The following CASKIN2 variants were observed in gnomAD, a reference collection of about 807,000 sequenced individuals.
CASKIN2 encodes the protein caskin-2.
CASKIN2 carries 41 observed loss-of-function variants against 107.1 expected under a neutral mutation model. The ratio of observed to expected loss-of-function variants is 0.38; its 90% CI spans 0.30 to 0.50. The LOEUF (loss-of-function observed/expected upper bound fraction) is 0.50. Ranked by LOEUF, CASKIN2 falls within the 20% of genes least tolerant of loss-of-function variation. CASKIN2 has a pLI of 0.92. For synonymous variants in CASKIN2, 724 were observed against 705.6 expected, an observed-to-expected ratio of 1.03 and a Z score of -0.41; for missense variants, 1,546 against 1,657.4, an observed-to-expected ratio of 0.93 and a Z score of 1.17.
rs371407894 is a variant in CASKIN2, at chr17:75,507,110, G to A, written c.264C>T (p.Tyr88=). 9.2e-4 allele frequency: 1,486 copies of A among 1,609,608 alleles called. No individual in the cohort carries two copies. Among genetic ancestry groups the A allele is most frequent in the Non-Finnish European group, 1.2e-3 (1,405 of 1,179,008 alleles). Residue 88 remains tyrosine, a synonymous_variant, in exon 5 of 20, where the codon TAC becomes TAT. Coordinates refer to ENST00000321617, the MANE Select transcript of CASKIN2 (RefSeq NM_020753.5). ...GCTCCAGCCGGCCCTGCCAGGCTGC[G>A]TAGTGCAGCGGGCGCATGCCTGGCA... ...KDSNGMRPLH[Y]AAWQGRLEPV...
rs1440926283 is a variant in CASKIN2, at chr17:75,514,204, G to C, written c.-400C>G. 4.3e-6 allele frequency: 2 copies of C among 464,050 alleles called. No individual in the cohort carries two copies. The highest frequency in any genetic ancestry group is 3.9e-5 in the African/African-American group (2 of 51,088). 28.7% of individuals were successfully genotyped at this position (464,050 alleles called of 1,614,324 possible). A position where few individuals can be genotyped will look rare whatever the true frequency, so the allele number is the denominator to read the frequency against. Reference sequence around the variant, plus strand: ...AGGCAGCAGCGGTGCACTGGTCTCAGGGCTCTGGAAAAAGCACGGGGCCTC... The same window carrying C: ...AGGCAGCAGCGGTGCACTGGTCTCACGGCTCTGGAAAAAGCACGGGGCCTC... On this transcript the variant is annotated 5_prime_UTR_variant, in exon 2 of 20. Transcript: ENST00000321617.
intron 11 of CASKIN2, 24 bp from the exon 12 acceptor site, chr17:75,504,717 G>A (rs765802087): frequency 6.3e-7 from 1 of 1,582,028 alleles, no homozygotes; most frequent in Non-Finnish European, 8.6e-7. Flanking sequence ...AAGCCAAGGG[G>A]TCAGAGTCCC....
In CASKIN2 at chr17:75,501,738, A is replaced by C. The variant is rs762201254; in HGVS notation, c.3295+41T>G. 3.3e-6 allele frequency: 5 copies of C among 1,531,708 alleles called. No individual in the cohort carries two copies. The Admixed American group carries it at 9.6e-5, about 29-fold the overall frequency. The allele number at this position is 1,531,708 out of a possible 1,614,324, so 94.9% of individuals were successfully genotyped here. A position where few individuals can be genotyped will look rare whatever the true frequency, so the allele number is the denominator to read the frequency against. On this transcript the variant is annotated intron_variant, in intron 18 of 19. Coordinates refer to ENST00000321617, the MANE Select transcript of CASKIN2 (RefSeq NM_020753.5). Reference sequence around the variant, plus strand: ...TTGGGACTTGGCTGGGTCAGACACAACCCTGCCAGCAGTGACTCTCCCACA... The same window carrying C: ...TTGGGACTTGGCTGGGTCAGACACACCCCTGCCAGCAGTGACTCTCCCACA...
At position 75,506,275 on chromosome 17, in the gene CASKIN2, A is replaced by T. The variant is rs777179408; in HGVS notation, c.726+30T>A. ...GGCACAGGGCAGAGGCTCCATGGAC[A>T]CCTGCGAGGGAGCAGGGGCCCATAC... On this transcript the variant is annotated intron_variant, in intron 8 of 19. Coordinates refer to ENST00000321617, the MANE Select transcript of CASKIN2 (RefSeq NM_020753.5). The surrounding 1 kb of genome is among the most constrained non-coding windows in gnomAD (Gnocchi z 4.8). The T allele has an allele frequency of 6.5e-7, 1 of 1,549,090 alleles. No individual in the cohort carries two copies. The highest frequency in any genetic ancestry group is 1.1e-5 in the South Asian group (1 of 89,820).
intron 2 of CASKIN2, among the ~76,000 whole-genome samples, chr17:75,510,303 T>TGGC (rs1264246557): frequency 3.3e-5 from 5 of 152,192 alleles, no homozygotes; most frequent in Admixed American, 3.3e-4. Flanking sequence ...GGCAGGGAAT[T>TGGC]GGCCTGATAT....
intron 2 of CASKIN2, chr17:75,509,863 A>C: frequency 1.0e-6 from 1 of 985,744 alleles, no homozygotes; most frequent in Non-Finnish European, 1.2e-6. Context: ...GGCGGGATGC[A>C]GTCCCTCCCG....
At position 75,505,460 on chromosome 17, in the gene CASKIN2, G is replaced by A. The variant is rs1270491423; in HGVS notation, c.930+97C>T. The A allele has an allele frequency of 8.9e-7, 1 of 1,120,568 alleles. No homozygotes were observed. The highest frequency in any genetic ancestry group is 1.4e-6 in the Non-Finnish European group (1 of 737,212). The allele number at this position is 1,120,568 out of a possible 1,614,324, so 69.4% of individuals were successfully genotyped here. ...GAAGAATTAAATGAGGGTGCATATA[G>A]AGACCTCAGAGCAGAACGTGGTAAC... On this transcript the variant is annotated intron_variant, in intron 10 of 19. Transcript: ENST00000321617. This position sits in a 1 kb window ranked among gnomAD's most constrained non-coding sequence, Gnocchi z 5.1.
rs1173962162 is a variant in CASKIN2 at position 75,505,780 on chromosome 17, GCCCCAGGC to G, written c.835+33_835+40del. On this transcript the variant is annotated intron_variant, in intron 9 of 19. Transcript: ENST00000321617. This position sits in a 1 kb window ranked among gnomAD's most constrained non-coding sequence, Gnocchi z 5.1. ...TCCACATCCTGGTACCACTTGAGCG[GCCCCAGGC>G]CCCCTGGGCAGGGTATCCTCCCCCG... The G allele has an allele frequency of 1.3e-6, 2 of 1,597,714 alleles. No homozygotes were observed. The highest frequency in any genetic ancestry group is 3.3e-5 in the Admixed American group (2 of 59,804).
rs965896076 is a variant in CASKIN2 at position 75,505,414 on chromosome 17, C to T, written c.930+143G>A. 1.3e-6 allele frequency: 1 copy of T among 755,540 alleles called. No individual in the cohort carries two copies. Among genetic ancestry groups the T allele is most frequent in the East Asian group, 2.5e-5 (1 of 40,740 alleles). 46.8% of individuals were successfully genotyped at this position (755,540 alleles called of 1,614,324 possible). A position where few individuals can be genotyped will look rare whatever the true frequency, so the allele number is the denominator to read the frequency against. ...ATCTGTAAAGAAGAAATGCTAACAG[C>T]ACTGCCTTCCCTGGCTTTAAGAAGA... On this transcript the variant is annotated intron_variant, in intron 10 of 19. Transcript: ENST00000321617. This position sits in a 1 kb window ranked among gnomAD's most constrained non-coding sequence, Gnocchi z 5.1.
chr17:75,513,062 C>A (rs932980755), intron 2 of CASKIN2, among the ~76,000 whole-genome samples: 2 of 152,120 alleles, frequency 1.3e-5, no homozygotes, highest in Non-Finnish European at 2.9e-5. Flanking sequence ...AAGAACACAT[C>A]AGAAAGACCA....
chr17:75,503,743 C>T lies in CASKIN2; in HGVS notation c.1596G>A (p.Gly532=), dbSNP rs2146984478. The T allele has an allele frequency of 6.2e-7, 1 of 1,612,466 alleles. No homozygotes were observed. The highest frequency in any genetic ancestry group is 8.5e-7 in the Non-Finnish European group (1 of 1,180,002). ...RMTPEDLTAI[G]VTKPGHRKKI... ...TCTTCCTGTGCCCAGGCTTGGTCACCCCGATGGCCGTCAGGTCCTGCCACA... is the reference window on the plus strand; with the variant it reads ...TCTTCCTGTGCCCAGGCTTGGTCACTCCGATGGCCGTCAGGTCCTGCCACA... Residue 532 remains glycine, a synonymous_variant, in exon 16 of 20, where the codon GGG becomes GGA. Coordinates refer to ENST00000321617, the MANE Select transcript of CASKIN2 (RefSeq NM_020753.5).
chr17:75,512,736 C>T (rs2053324821), intron 2 of CASKIN2, among the ~76,000 whole-genome samples: 1 of 151,822 alleles, frequency 6.6e-6, no homozygotes, highest in Non-Finnish European at 1.5e-5. Flanking sequence ...GGTGAAACCC[C>T]GTCTCTAGTA....
rs190995233 is a variant in CASKIN2 at position 75,505,204 on chromosome 17, T to C, written c.931-131A>G. 12,214 of 1,034,274 alleles carry C rather than the reference T, an allele frequency of 0.012. 89 individuals carry two copies. The highest frequency in any genetic ancestry group is 0.015 in the Non-Finnish European group (10,710 of 695,770). 64.1% of individuals were successfully genotyped at this position (1,034,274 alleles called of 1,614,324 possible). A position where few individuals can be genotyped will look rare whatever the true frequency, so the allele number is the denominator to read the frequency against. ...CTACCCCTAAGGAGCTGGCCTCTGA[T>C]GCCCACACTGGCCCAAGTTCCGCCC... On this transcript the variant is annotated intron_variant, in intron 10 of 19. Transcript: ENST00000321617. The surrounding 1 kb of genome is among the most constrained non-coding windows in gnomAD (Gnocchi z 5.1).
Position 75,502,510 on chromosome 17 carries a change from C to A in CASKIN2, c.2564G>T (p.Arg855Leu). The A allele has an allele frequency of 6.8e-7, 1 of 1,471,198 alleles. No homozygotes were observed. The highest frequency in any genetic ancestry group is 9.0e-7 in the Non-Finnish European group (1 of 1,106,244). 91.1% of individuals were successfully genotyped at this position (1,471,198 alleles called of 1,614,324 possible). A position where few individuals can be genotyped will look rare whatever the true frequency, so the allele number is the denominator to read the frequency against. The change falls in exon 18 of 20, where the codon CGC becomes CTC. Residue 855 changes from arginine to leucine, a missense_variant. Coordinates refer to ENST00000321617, the MANE Select transcript of CASKIN2 (RefSeq NM_020753.5). The surrounding 1 kb of genome is among the most constrained non-coding windows in gnomAD (Gnocchi z 4.3). ...GGCCCGCAGGGCAAAGGACTGGCTG[C>A]GAGGAGTCCCCCGAGCTGGGGTTGG... is the stretch of plus-strand genomic sequence containing the variant. ...VTPTPARGTP[R>L]SQSFALRARR... is the part of the protein sequence containing the mutation.
chr17:75,513,651 C>CAACCCACAGTT, intron 2 of CASKIN2, 60 bp downstream of exon 2: 1 of 1,372,746 alleles, frequency 7.3e-7, no homozygotes, highest in Non-Finnish European at 1.0e-6. Context: ...CCCCACCCAC[C>CAACCCACAGTT]AAGCCTCTGT....
Position 75,501,227 on chromosome 17 carries a change from C to CT in CASKIN2, c.3519-58dup. 5 of 1,465,486 alleles carry CT rather than the reference C, an allele frequency of 3.4e-6. No homozygotes were observed. The East Asian group carries it at 1.2e-4, about 36-fold the overall frequency. The allele number at this position is 1,465,486 out of a possible 1,614,324, so 90.8% of individuals were successfully genotyped here. On this transcript the variant is annotated intron_variant, in intron 19 of 19. Transcript: ENST00000321617. Reference sequence around the variant, plus strand: ...GCCAGTGGCCTGCACCCCACTGGCCCTGGGGCAGGGAGCTGTCATAGCTCC... The same window carrying CT: ...GCCAGTGGCCTGCACCCCACTGGCCCTTGGGGCAGGGAGCTGTCATAGCTCC...
At chr17:75,509,998 G>A (rs1408034484) in intron 2 of CASKIN2, 2 of 886,158 alleles carry the variant, frequency 2.3e-6, no homozygotes, top group Non-Finnish European at 2.7e-6. Flanking sequence ...ACCGGGCTGG[G>A]GACCCTGGCA....
chr17:75,509,270 T>C (rs1049867408), intron 2 of CASKIN2, among the ~76,000 whole-genome samples: 2 of 152,218 alleles, frequency 1.3e-5, no homozygotes, highest in African/African-American at 4.8e-5. Flanking sequence ...GGCCCCTGCC[T>C]CCTGCTAGAA....
chr17:75,514,462 A>G (rs962299525), intron 1 of CASKIN2, among the ~76,000 whole-genome samples: 2 of 152,182 alleles, frequency 1.3e-5, no homozygotes, highest in African/African-American at 4.8e-5. Flanking sequence ...GGCACCTGGC[A>G]GTACCTCAAC....
Sources: gnomAD v4.1 joint callset for allele counts (sites outside exome capture counted in the v4.1 genomes callset) on GRCh38, gnomAD v4.1.1 for gene constraint, Gnocchi (gnomAD v3.1) non-coding constraint, MANE v1.5 for transcripts, NCBI Gene and HGNC (gene_info 2026-07-23, HGNC 2026-07-21) for gene names.